CACNA1E: variants seen among roughly 807,000 people sequenced by gnomAD.
CACNA1E encodes voltage-dependent R-type calcium channel subunit alpha-1E.
Under a neutral mutation model 259.2 loss-of-function variants are expected in CACNA1E, and 40 were observed. The ratio of observed to expected loss-of-function variants is 0.15; its 90% CI spans 0.12 to 0.20. CACNA1E has a LOEUF of 0.20. CACNA1E is among the 10% of genes least tolerant of loss of function. CACNA1E has a pLI of 1.00. For missense variants in CACNA1E, 1,874 were observed against 3,040.1 expected (o/e 0.62, Z 9.02); for synonymous variants, 1,104 against 1,138.5 (o/e 0.97, Z 0.61).
chr1:181,586,845 T>C (rs1213761461), intron 6 of CACNA1E, among the ~76,000 whole-genome samples: 5 of 152,148 alleles, frequency 3.3e-5, no homozygotes. Flanking sequence ...CAGGAGCAGT[T>C]TGAGTGGAGT....
rs543375421 is a variant in CACNA1E at position 181,742,749 on chromosome 1, G to A, written c.3719+3496G>A. ...GTCCCCTGAGCCCTCCTGCCGAGGC[G>A]TGTGCCTGCCACCATGTATGTTTTC... is the stretch of plus-strand genomic sequence containing the variant. On this transcript the variant is annotated intron_variant, in intron 25 of 47. Transcript: ENST00000367573. Among the ~76,000 whole-genome samples, 84 of 152,290 alleles carry A rather than the reference G, an allele frequency of 5.5e-4. 1 individual carries two copies. The highest frequency in any genetic ancestry group is 1.6e-3 in the African/African-American group (67 of 41,562).
intron 3 of CACNA1E, among the ~76,000 whole-genome samples, chr1:181,573,364 C>A (rs902614522): frequency 3.9e-5 from 6 of 152,172 alleles, no homozygotes; most frequent in Non-Finnish European, 8.8e-5. Context: ...CCATTTTCAA[C>A]TCTTTACTTT....
chr1:181,738,704 C>T (rs1656288191), intron 24 of CACNA1E, among the ~76,000 whole-genome samples: 1 of 152,194 alleles, frequency 6.6e-6, no homozygotes, highest in Non-Finnish European at 1.5e-5. Context: ...GCACTCCCCT[C>T]CCCAGTGCTT....
intron 6 of CACNA1E, among the ~76,000 whole-genome samples, chr1:181,612,266 A>G (rs1051052170): frequency 4.6e-5 from 7 of 152,210 alleles, no homozygotes; most frequent in Non-Finnish European, 1.0e-4. Context: ...ATGCTACTGC[A>G]GCCTAATGCC....
At chr1:181,637,995 A>G (rs1470010205) in intron 6 of CACNA1E, among the ~76,000 whole-genome samples, 2 of 152,198 alleles carry the variant, frequency 1.3e-5, no homozygotes, top group Non-Finnish European at 2.9e-5. Context: ...CAGATGAGCT[A>G]GAGAGGGTAG....
rs143423798 is a variant in CACNA1E, at chr1:181,657,182, T to C, written c.1055+5741T>C. ...TAAGTAGGTCCTCTATTCAGCTCAG[T>C]TGTCAACCAAATTTATGTTGCTGAT... On this transcript the variant is annotated intron_variant, in intron 7 of 47. Transcript: ENST00000367573. Among the ~76,000 whole-genome samples, 122 of 152,290 alleles carry C rather than the reference T, an allele frequency of 8.0e-4. 3 individuals are homozygous for C. The highest frequency in any genetic ancestry group is 4.2e-3 in the East Asian group (22 of 5,188).
chr1:181,790,145 G>T (rs967776606), intron 43 of CACNA1E, among the ~76,000 whole-genome samples: 1 of 152,188 alleles, frequency 6.6e-6, no homozygotes, highest in Non-Finnish European at 1.5e-5. Flanking sequence ...GCAGAAATAG[G>T]TTTACAATCT....
At chr1:181,524,847 A>G (rs1250025281) in intron 3 of CACNA1E, among the ~76,000 whole-genome samples, 1 of 152,164 alleles carries the variant, frequency 6.6e-6, no homozygotes, top group Non-Finnish European at 1.5e-5. Flanking sequence ...TCTAGCAACA[A>G]CCTTGCCCTG....
chr1:181,537,939 C>G (rs1668298696), intron 3 of CACNA1E, among the ~76,000 whole-genome samples: 1 of 152,076 alleles, frequency 6.6e-6, no homozygotes, highest in Non-Finnish European at 1.5e-5. Context: ...AGCATAGTAC[C>G]TGAAATATAT....
At chr1:181,457,569 A>G (rs1028181775) in intron 2 of CACNA1E, among the ~76,000 whole-genome samples, 5 of 152,220 alleles carry the variant, frequency 3.3e-5, no homozygotes, top group African/African-American at 1.2e-4. Flanking sequence ...CAGCTCGGAC[A>G]ACTTCTGCAG....
At chr1:181,616,824 A>G (rs1437773749) in intron 6 of CACNA1E, among the ~76,000 whole-genome samples, 2 of 151,652 alleles carry the variant, frequency 1.3e-5, no homozygotes, top group East Asian at 1.9e-4. Flanking sequence ...TGTCTTTTTT[A>G]TGTCTCTTAT....
At chr1:181,709,624 T>G (rs1653137030) in intron 7 of CACNA1E, among the ~76,000 whole-genome samples, 1 of 151,792 alleles carries the variant, frequency 6.6e-6, no homozygotes, top group Non-Finnish European at 1.5e-5. Flanking sequence ...CTCCCTCAGA[T>G]TCAGTCTGCA....
intron 2 of CACNA1E, among the ~76,000 whole-genome samples, chr1:181,425,531 T>TCCCCCCCCCCCCCC (rs1201398954): frequency 6.9e-5 from 4 of 57,726 alleles, no homozygotes; most frequent in African/African-American, 2.5e-4. Context: ...ACACCCCCGC[T>TCCCCCCCCCCCCCC]CCCCCCCCCG....
chr1:181,419,546 C>A (rs184975605), intron 2 of CACNA1E, among the ~76,000 whole-genome samples: 1 of 152,198 alleles, frequency 6.6e-6, no homozygotes, highest in Non-Finnish European at 1.5e-5. Context: ...GTTTCCCCAA[C>A]GGACACACAA....
At chr1:181,488,811 T>C (rs1001448080) in intron 1 of CACNA1E, among the ~76,000 whole-genome samples, 1 of 152,202 alleles carries the variant, frequency 6.6e-6, no homozygotes, top group African/African-American at 2.4e-5. Context: ...GCTTTTTTTT[T>C]CTTCTGAAAC....
intron 6 of CACNA1E, among the ~76,000 whole-genome samples, chr1:181,585,011 T>TCC (rs375804432): frequency 2.7e-5 from 4 of 145,942 alleles, no homozygotes; most frequent in South Asian, 2.2e-4. Context: ...AATAAACTGG[T>TCC]CCCCCCCCCT....
intron 1 of CACNA1E, among the ~76,000 whole-genome samples, chr1:181,493,388 A>G (rs746174911): frequency 7.9e-5 from 12 of 152,236 alleles, no homozygotes; most frequent in Non-Finnish European, 1.0e-4. Flanking sequence ...ACCAAAGGGC[A>G]TGAATTCAAT....
chr1:181,737,876 G>A (rs1656199457), intron 23 of CACNA1E, among the ~76,000 whole-genome samples: 1 of 149,792 alleles, frequency 6.7e-6, no homozygotes. Flanking sequence ...CCAGGGCTCT[G>A]CAGGGCTCTG....
intron 19 of CACNA1E, 47 bp downstream of exon 19, chr1:181,731,278 G>T (rs746670580): frequency 5.6e-6 from 8 of 1,427,624 alleles, no homozygotes; most frequent in Non-Finnish European, 7.9e-6. Context: ...ACGTGTGGGC[G>T]TGGGACAATG....
Sources: gnomAD v4.1 joint callset for allele counts (sites outside exome capture counted in the v4.1 genomes callset) on GRCh38, gnomAD v4.1.1 for gene constraint, MANE v1.5 for transcripts, NCBI Gene and HGNC (gene_info 2026-07-23, HGNC 2026-07-21) for gene names.